The following BICRAL variants were observed in gnomAD, a reference collection of about 807,000 sequenced individuals.
BICRAL encodes BICRA like chromatin remodeling complex associated protein, also known as BRD4-interacting chromatin-remodeling complex-associated protein-like.
In BICRAL, 8 loss-of-function variants were observed where a neutral mutation model predicts 91.8. The observed-to-expected ratio is 0.09, with a 90% CI of 0.05 to 0.16. The LOEUF (loss-of-function observed/expected upper bound fraction) is 0.16. BICRAL is among the 10% of genes least tolerant of loss of function. The pLI, the probability that BICRAL is intolerant of heterozygous loss-of-function variation, is 1.00. For missense variants in BICRAL, 1,038 were observed against 1,310.9 expected, an observed-to-expected ratio of 0.79 and a Z score of 3.21; for synonymous variants, 445 against 491.1, an observed-to-expected ratio of 0.91 and a Z score of 1.24.
chr6:42,783,738 G>C (rs1166666102), intron 1 of BICRAL, among the ~76,000 whole-genome samples: 2 of 152,230 alleles, frequency 1.3e-5, no homozygotes, highest in East Asian at 3.9e-4. Flanking sequence ...ACTTGTTTGT[G>C]ATGGAAGAAG....
chr6:42,763,699 T>TA (rs1458343884), intron 1 of BICRAL, among the ~76,000 whole-genome samples: 7 of 151,776 alleles, frequency 4.6e-5, no homozygotes, highest in Admixed American at 2.0e-4. Flanking sequence ...CATGTGCCTG[T>TA]AATCCCAGGT....
intron 1 of BICRAL, among the ~76,000 whole-genome samples, chr6:42,783,511 G>A (rs1271555058): frequency 2.0e-5 from 3 of 152,138 alleles, no homozygotes; most frequent in Non-Finnish European, 2.9e-5. Context: ...CTCGGCGGGC[G>A]CCATCTTTCT....
intron 2 of BICRAL, among the ~76,000 whole-genome samples, chr6:42,819,579 C>G (rs776051984): frequency 1.3e-5 from 2 of 152,200 alleles, no homozygotes; most frequent in Non-Finnish European, 2.9e-5. Flanking sequence ...TGCCACCATG[C>G]CCGGCCTATC....
intron 6 of BICRAL, among the ~76,000 whole-genome samples, chr6:42,834,809 TG>T (rs1035585626): frequency 2.6e-5 from 4 of 152,182 alleles, no homozygotes; most frequent in African/African-American, 4.8e-5. Flanking sequence ...AAATGTTCTG[TG>T]TTTATCTTTT....
intron 1 of BICRAL, among the ~76,000 whole-genome samples, chr6:42,791,489 CTT>C (rs1014365800): frequency 1.3e-5 from 2 of 152,062 alleles, no homozygotes; most frequent in African/African-American, 4.8e-5. Context: ...ATCCAGGACA[CTT>C]TTTTTCATTA....
intron 1 of BICRAL, among the ~76,000 whole-genome samples, chr6:42,750,491 C>G (rs370870753): frequency 6.6e-6 from 1 of 151,982 alleles, no homozygotes; most frequent in Non-Finnish European, 1.5e-5. Flanking sequence ...GCCACATTGC[C>G]GTCACCACAC....
At chr6:42,771,596 A>G (rs532201381) in intron 1 of BICRAL, among the ~76,000 whole-genome samples, 5 of 152,046 alleles carry the variant, frequency 3.3e-5, no homozygotes, top group African/African-American at 9.6e-5. Flanking sequence ...GTTTGCCCAC[A>G]TTTGCACTCT....
intron 2 of BICRAL, among the ~76,000 whole-genome samples, chr6:42,815,740 C>T (rs1414220513): frequency 6.6e-6 from 1 of 151,798 alleles, no homozygotes; most frequent in Non-Finnish European, 1.5e-5. Context: ...GTAATCCCAG[C>T]ACTTTGGGAG....
At chr6:42,799,504 C>T (rs1763505866) in intron 1 of BICRAL, among the ~76,000 whole-genome samples, 1 of 151,640 alleles carries the variant, frequency 6.6e-6, no homozygotes, top group Non-Finnish European at 1.5e-5. Context: ...CCGTGTTAGC[C>T]AGGATGGTCT....
intron 1 of BICRAL, among the ~76,000 whole-genome samples, chr6:42,763,057 T>C (rs10948046): frequency 0.26 from 39,555 of 152,132 alleles, 5,549 homozygotes; most frequent in African/African-American, 0.36. Context: ...CCCCTTATTG[T>C]CCAGTAGAAC....
At chr6:42,855,827 G>C (rs1468737451) in intron 8 of BICRAL, 29 bp from the exon 9 acceptor site, 1 of 1,576,890 alleles carries the variant, frequency 6.3e-7, no homozygotes, top group Non-Finnish European at 8.7e-7. Flanking sequence ...CTATAAAAGG[G>C]AATAATAAGA....
chr6:42,847,317 T>G (rs1224588751), intron 6 of BICRAL, among the ~76,000 whole-genome samples: 1 of 152,202 alleles, frequency 6.6e-6, no homozygotes, highest in Non-Finnish European at 1.5e-5. Context: ...CTGTAGATTT[T>G]TTATAGATGT....
rs1192829085 is a variant in BICRAL, at chr6:42,797,044, C to CAAAAAAAAAA, written c.-101-13250_-101-13241dup. Among the ~76,000 whole-genome samples the CAAAAAAAAAA allele has an allele frequency of 6.8e-5, 3 of 44,290 alleles. 1 individual carries two copies. The highest frequency in any genetic ancestry group is 1.8e-4 in the African/African-American group (2 of 11,246). 29.1% of individuals were successfully genotyped at this position (44,290 alleles called of 152,430 possible). The stretch of plus-strand genomic sequence containing the variant: ...GGGCAACAAGAGCGAAACTCTGTCT[C>CAAAAAAAAAA]AAAAAAAAAAAAAAAAAAAAAGCTG... On this transcript the variant is annotated intron_variant, in intron 1 of 12. Coordinates refer to ENST00000314073, the MANE Select transcript of BICRAL (RefSeq NM_001393499.1).
intron 1 of BICRAL, among the ~76,000 whole-genome samples, chr6:42,755,336 A>G (rs1328791659): frequency 6.6e-6 from 1 of 151,896 alleles, no homozygotes; most frequent in African/African-American, 2.4e-5. Flanking sequence ...TGAAGAGCCT[A>G]CTCCTCAGGA....
chr6:42,784,703 C>T (rs1247552280), intron 1 of BICRAL, among the ~76,000 whole-genome samples: 2 of 152,174 alleles, frequency 1.3e-5, no homozygotes, highest in Non-Finnish European at 2.9e-5. Flanking sequence ...CTGTATTCTT[C>T]CCCCTACACC....
At chr6:42,857,289 G>A in intron 10 of BICRAL, 53 bp downstream of exon 10, 1 of 1,487,642 alleles carries the variant, frequency 6.7e-7, no homozygotes, top group Non-Finnish European at 9.2e-7. Context: ...AACCCTCCAT[G>A]GACACCCCCC....
intron 1 of BICRAL, among the ~76,000 whole-genome samples, chr6:42,773,617 C>T (rs764977117): frequency 6.6e-5 from 10 of 152,178 alleles, no homozygotes; most frequent in South Asian, 2.1e-4. Flanking sequence ...TGGGTTCAAG[C>T]GATTCTCATG....
intron 1 of BICRAL, among the ~76,000 whole-genome samples, chr6:42,770,290 G>A (rs1368775951): frequency 3.9e-5 from 6 of 152,048 alleles, no homozygotes; most frequent in Non-Finnish European, 7.4e-5. Context: ...GTGCAGAGGC[G>A]TGATCTCGGC....
At chr6:42,799,978 C>G (rs995566971) in intron 1 of BICRAL, among the ~76,000 whole-genome samples, 1 of 152,042 alleles carries the variant, frequency 6.6e-6, no homozygotes, top group Non-Finnish European at 1.5e-5. Context: ...CCCCCAGGTT[C>G]GAGCAATTCT....
Sources: allele counts gnomAD v4.1 joint callset (sites outside exome capture counted in the v4.1 genomes callset), GRCh38; gene constraint gnomAD v4.1.1; transcripts MANE v1.5; gene names NCBI Gene and HGNC (gene_info 2026-07-23, HGNC 2026-07-21).